The following ROBO1 variants were observed in gnomAD, a reference collection of about 807,000 sequenced individuals.
The protein encoded by ROBO1 is roundabout guidance receptor 1.
ROBO1 carries 149 observed loss-of-function variants against 195.9 expected under a neutral mutation model. The ratio of observed to expected loss-of-function variants is 0.76; its 90% CI spans 0.67 to 0.87. ROBO1 has a LOEUF of 0.87. Among genes scored for constraint, ROBO1 ranks in the 40% least tolerant of loss-of-function variants. The pLI, the probability that ROBO1 is intolerant of heterozygous loss-of-function variation, is 0.00. For synonymous variants in ROBO1, 816 were observed against 733.2 expected (o/e 1.11, Z -1.82); for missense variants, 1,933 against 2,068.3 (o/e 0.93, Z 1.27).
intron 3 of ROBO1, among the ~76,000 whole-genome samples, chr3:78,963,508 T>G (rs866430199): frequency 8.1e-6 from 1 of 122,842 alleles, no homozygotes; most frequent in Non-Finnish European, 1.8e-5. Context: ...TTTTTTTTTT[T>G]TTTTTTTTTT....
chr3:79,364,737 G>T (rs1277142450), intron 2 of ROBO1, among the ~76,000 whole-genome samples: 2 of 152,092 alleles, frequency 1.3e-5, no homozygotes, highest in Non-Finnish European at 2.9e-5. Flanking sequence ...TATCAAAAAA[G>T]GCATTGACAT....
intron 2 of ROBO1, among the ~76,000 whole-genome samples, chr3:79,391,821 T>C (rs955806007): frequency 1.3e-5 from 2 of 152,138 alleles, no homozygotes; most frequent in East Asian, 1.9e-4. Context: ...ATATTCACAT[T>C]GGTGCTTCAG....
Position 79,649,093 on chromosome 3 carries a change from C to G in ROBO1, c.-50-59132G>C, listed in dbSNP as rs144161555. 1.8e-4 allele frequency among the ~76,000 whole-genome samples: 28 copies of G among 152,166 alleles called. No homozygotes were observed. The East Asian group carries it at 5.2e-3, about 28-fold the overall frequency. On this transcript the variant is annotated intron_variant, in intron 1 of 30. Transcript: ENST00000464233. Reference sequence around the variant, plus strand: ...AAATCCTCAATGTCAATCCCCACTTCAAATCTATTATGTTAGGATCTCTTT... The same window carrying G: ...AAATCCTCAATGTCAATCCCCACTTGAAATCTATTATGTTAGGATCTCTTT...
intron 19 of ROBO1, among the ~76,000 whole-genome samples, chr3:78,648,965 C>T (rs950785261): frequency 2.0e-5 from 3 of 152,004 alleles, no homozygotes; most frequent in Non-Finnish European, 4.4e-5. Context: ...AAAGCAAAAA[C>T]CTCAGTGCTG....
intron 4 of ROBO1, among the ~76,000 whole-genome samples, chr3:78,784,052 A>T (rs1168694765): frequency 6.6e-6 from 1 of 152,188 alleles, no homozygotes; most frequent in Non-Finnish European, 1.5e-5. Context: ...CTACGCAGAA[A>T]AAAAAGACAT....
chr3:79,643,244 C>G (rs967436912), intron 1 of ROBO1, among the ~76,000 whole-genome samples: 1 of 152,154 alleles, frequency 6.6e-6, no homozygotes, highest in African/African-American at 2.4e-5. Context: ...TTGCCAGGGG[C>G]TCCTGGGCCT....
At chr3:79,242,064 G>A (rs1444036451) in intron 2 of ROBO1, among the ~76,000 whole-genome samples, 6 of 151,346 alleles carry the variant, frequency 4.0e-5, no homozygotes, top group Non-Finnish European at 7.4e-5. Flanking sequence ...CTTGTATCGT[G>A]GCCTTAAAAG....
At chr3:79,059,538 C>A (rs2078875559) in intron 3 of ROBO1, among the ~76,000 whole-genome samples, 1 of 151,998 alleles carries the variant, frequency 6.6e-6, no homozygotes, top group South Asian at 2.1e-4. Context: ...CAGGGACCCT[C>A]AACAGAGGGA....
At chr3:79,091,596 A>C (rs2079480594) in intron 3 of ROBO1, among the ~76,000 whole-genome samples, 1 of 152,070 alleles carries the variant, frequency 6.6e-6, no homozygotes, top group Non-Finnish European at 1.5e-5. Context: ...AGACAGAAAC[A>C]AGCGAAAGAA....
intron 3 of ROBO1, among the ~76,000 whole-genome samples, chr3:79,015,166 T>C (rs1484067283): frequency 1.3e-5 from 2 of 152,130 alleles, no homozygotes; most frequent in Non-Finnish European, 2.9e-5. Flanking sequence ...AATAAAGATA[T>C]TTTAAAAGAT....
rs566945331 is a variant in ROBO1, at chr3:79,686,524, C to T, written c.-51+81228G>A. Among the ~76,000 whole-genome samples the T allele has an allele frequency of 8.7e-3, 1,332 of 152,288 alleles. 17 individuals carry two copies. Among genetic ancestry groups the T allele is most frequent in the African/African-American group, 0.03 (1,253 of 41,560 alleles). On this transcript the variant is annotated intron_variant, in intron 1 of 30. Coordinates refer to ENST00000464233, the MANE Select transcript of ROBO1 (RefSeq NM_002941.4). ...AGCTGATAGGCAACTTCAGCAAAGT[C>T]TCAGGATACAAAATCAATGTACAAA...
intron 2 of ROBO1, among the ~76,000 whole-genome samples, chr3:79,356,929 T>C (rs2035579031): frequency 6.6e-6 from 1 of 152,182 alleles, no homozygotes; most frequent in African/African-American, 2.4e-5. Flanking sequence ...TGAAATAATG[T>C]CAATGTTCTC....
chr3:79,314,865 A>G (rs2033663182), intron 2 of ROBO1, among the ~76,000 whole-genome samples: 1 of 152,228 alleles, frequency 6.6e-6, no homozygotes, highest in South Asian at 2.1e-4. Context: ...TATTTTCATT[A>G]CTGTCACTTC....
chr3:79,141,557 T>G (rs2080526272), intron 2 of ROBO1, among the ~76,000 whole-genome samples: 1 of 106,454 alleles, frequency 9.4e-6, no homozygotes, highest in Non-Finnish European at 1.9e-5. Context: ...CAATGGTGGT[T>G]GCTGTTGTTG....
At chr3:79,645,334 T>G (rs1945787279) in intron 1 of ROBO1, among the ~76,000 whole-genome samples, 1 of 151,776 alleles carries the variant, frequency 6.6e-6, no homozygotes, top group Non-Finnish European at 1.5e-5. Flanking sequence ...AGGCCTCATC[T>G]CAACAAAAAA....
At position 78,829,309 on chromosome 3, in the gene ROBO1, T is replaced by C. The variant is rs2031932717; in HGVS notation, c.500-82409A>G. Among the ~76,000 whole-genome samples, 3 of 152,196 alleles carry C rather than the reference T, an allele frequency of 2.0e-5. 1 individual carries two copies. The highest frequency in any genetic ancestry group is 2.0e-4 in the Admixed American group (3 of 15,270). ...AAGAATTACAGTTATTATAACACTG[T>C]CATTTTTAAAAAGCAAGTGTAATTT... On this transcript the variant is annotated intron_variant, in intron 4 of 30. Coordinates refer to ENST00000464233, the MANE Select transcript of ROBO1 (RefSeq NM_002941.4).
At chr3:79,493,853 C>A (rs1939595219) in intron 2 of ROBO1, among the ~76,000 whole-genome samples, 1 of 152,052 alleles carries the variant, frequency 6.6e-6, no homozygotes, top group African/African-American at 2.4e-5. Context: ...TAGAAACATT[C>A]CAGTGATACT....
In ROBO1 at chr3:79,458,155, T is replaced by C. The variant is rs942197178; in HGVS notation, c.88+131669A>G. On this transcript the variant is annotated intron_variant, in intron 2 of 30. Coordinates refer to ENST00000464233, the MANE Select transcript of ROBO1 (RefSeq NM_002941.4). ...AAAAATGTTGATTATGCCTAGAAGA[T>C]GAAATAAAGGGGAGGGAGTCAGTCA... 3.9e-5 allele frequency among the ~76,000 whole-genome samples: 6 copies of C among 152,038 alleles called. No individual in the cohort carries two copies. In the East Asian group the frequency reaches 9.7e-4, roughly 25 times the overall value.
At chr3:79,471,139 C>T (rs527404907) in intron 2 of ROBO1, among the ~76,000 whole-genome samples, 2 of 152,142 alleles carry the variant, frequency 1.3e-5, no homozygotes, top group Middle Eastern at 3.4e-3. Flanking sequence ...TCTTTCACCA[C>T]ATACAAAAAT....
Sources: allele counts gnomAD v4.1 joint callset (sites outside exome capture counted in the v4.1 genomes callset), GRCh38; gene constraint gnomAD v4.1.1; transcripts MANE v1.5; gene names NCBI Gene and HGNC (gene_info 2026-07-23, HGNC 2026-07-21).